Variants in FARP2 observed in about 807,000 individuals in gnomAD.
The protein encoded by FARP2 is FERM, ARH/RhoGEF and pleckstrin domain protein 2.
Under a neutral mutation model 130.5 loss-of-function variants are expected in FARP2, and 111 were observed. The ratio of observed to expected loss-of-function variants is 0.85; its 90% confidence interval spans 0.73 to 1.00. The LOEUF is 1.00. FARP2 is among the 50% of genes least tolerant of loss of function. The pLI, the probability that FARP2 is intolerant of heterozygous loss-of-function variation, is 0.00. For synonymous variants in FARP2, 504 were observed against 516.9 expected (o/e 0.98, Z 0.34); for missense variants, 1,385 against 1,346.3 (o/e 1.03, Z -0.45).
chr2:241,460,119 C>T (rs546126070), intron 14 of FARP2, among the ~76,000 whole-genome samples: 33 of 152,302 alleles, frequency 2.2e-4, no homozygotes, highest in African/African-American at 7.7e-4. Context: ...GACTCTCCCC[C>T]AGGGCCCAAG....
chr2:241,436,801 A>G (rs1046875665), intron 12 of FARP2, among the ~76,000 whole-genome samples: 4 of 152,212 alleles, frequency 2.6e-5, no homozygotes, highest in East Asian at 1.9e-4. Flanking sequence ...CCTGGGCAAC[A>G]TGGCAAAATC....
chr2:241,399,096 AG>A (rs1292259057), intron 2 of FARP2, among the ~76,000 whole-genome samples: 1 of 152,188 alleles, frequency 6.6e-6, no homozygotes, highest in Non-Finnish European at 1.5e-5. Context: ...TATTCTGGTG[AG>A]GGTCTAGTGG....
At chr2:241,434,348 G>A (rs367769698) in intron 10 of FARP2, 27 bp downstream of exon 10, 1 of 1,545,906 alleles carries the variant, frequency 6.5e-7, no homozygotes, top group African/African-American at 1.4e-5. Flanking sequence ...GGCTTGCATG[G>A]GCCCCTCACT....
intron 14 of FARP2, among the ~76,000 whole-genome samples, chr2:241,457,234 C>T (rs1233487607): frequency 1.3e-5 from 2 of 152,210 alleles, no homozygotes; most frequent in African/African-American, 2.4e-5. Flanking sequence ...CAGCCTCCCC[C>T]ACTCTTCCTT....
intron 2 of FARP2, among the ~76,000 whole-genome samples, chr2:241,395,216 G>A (rs1451021028): frequency 6.6e-6 from 1 of 152,186 alleles, no homozygotes; most frequent in East Asian, 1.9e-4. Context: ...GCCACAAAGG[G>A]CCTGGAGAAT....
At chr2:241,483,424 C>T in intron 19 of FARP2, 41 bp from the exon 20 acceptor site, 2 of 1,560,416 alleles carry the variant, frequency 1.3e-6, no homozygotes, top group Non-Finnish European at 1.8e-6. Context: ...CCGCCAGCTG[C>T]CCTCAGCCCG....
At chr2:241,480,770 T>G (rs114760910) in intron 19 of FARP2, among the ~76,000 whole-genome samples, 68 of 152,150 alleles carry the variant, frequency 4.5e-4, no homozygotes, top group African/African-American at 1.6e-3. Context: ...CTTCTAATAG[T>G]TTTATGTTTT....
chr2:241,451,817 C>T (rs535439168), intron 13 of FARP2, among the ~76,000 whole-genome samples: 139 of 152,084 alleles, frequency 9.1e-4, no homozygotes, highest in Non-Finnish European at 1.7e-3. Flanking sequence ...TGCAGTGGTA[C>T]GATCTTGGCT....
In FARP2 at chr2:241,459,545, C is replaced by T. The variant is rs1242570371; in HGVS notation, c.1587+2623C>T. Reference sequence around the variant, plus strand: ...CTTTTTAATAGAGATTTGTGAGGATCGGCCACAGTCGAAAGGTAGGAAAGC... The same window carrying T: ...CTTTTTAATAGAGATTTGTGAGGATTGGCCACAGTCGAAAGGTAGGAAAGC... On this transcript the variant is annotated intron_variant, in intron 14 of 26. Coordinates refer to ENST00000264042, the MANE Select transcript of FARP2 (RefSeq NM_014808.4). The surrounding 1 kb of genome is among the most constrained non-coding windows in gnomAD (Gnocchi z 5.3). Among the ~76,000 whole-genome samples, 1 of 152,188 alleles carries T rather than the reference C, an allele frequency of 6.6e-6. No individual in the cohort carries two copies. Among genetic ancestry groups the T allele is most frequent in the African/African-American group, 2.4e-5 (1 of 41,446 alleles).
In FARP2 at chr2:241,371,409, G is replaced by A. The variant is rs567684974; in HGVS notation, c.-24-1675G>A. ...TGAGGTGGGAGAATTGCTTGAGCCC[G>A]GGAGGTGGAGGTTGCAGTGAACCAA... is the stretch of plus-strand genomic sequence containing the variant. On this transcript the variant is annotated intron_variant, in intron 1 of 26. Transcript: ENST00000264042. Among the ~76,000 whole-genome samples the A allele has an allele frequency of 3.3e-5, 5 of 152,302 alleles. No homozygotes were observed. The East Asian group carries it at 5.8e-4, about 18-fold the overall frequency.
intron 14 of FARP2, among the ~76,000 whole-genome samples, chr2:241,461,330 C>T (rs886808): frequency 6.6e-6 from 1 of 151,900 alleles, no homozygotes; most frequent in Non-Finnish European, 1.5e-5. Flanking sequence ...GGTCCACCGG[C>T]AGCCTCTCTG....
chr2:241,395,985 A>G (rs1239843608), intron 2 of FARP2: 6 of 152,202 alleles, frequency 3.9e-5, no homozygotes, highest in African/African-American at 1.4e-4. Context: ...ATCTATTTTT[A>G]TGTTTAGTAC....
At chr2:241,473,594 T>G (rs949989351) in intron 18 of FARP2, among the ~76,000 whole-genome samples, 3 of 152,164 alleles carry the variant, frequency 2.0e-5, no homozygotes, top group African/African-American at 7.2e-5. Flanking sequence ...GCAGTCAGGC[T>G]CCCAGCCCTG....
In FARP2 at chr2:241,436,467, CCT is replaced by C. The variant is rs1298420980; in HGVS notation, c.1101-11_1101-10del. 2.5e-6 allele frequency: 4 copies of C among 1,613,924 alleles called. No individual in the cohort carries two copies. ...GAGGGCTTGGTTTCTCACAGCTCGT[CCT>C]CTGTTTTGCAGAAGGCACAGCAAGA... On this transcript the variant is annotated splice_polypyrimidine_tract_variant and intron_variant, in intron 11 of 26. Coordinates refer to ENST00000264042, the MANE Select transcript of FARP2 (RefSeq NM_014808.4).
At chr2:241,378,556 G>A (rs1341048502) in intron 2 of FARP2, among the ~76,000 whole-genome samples, 2 of 151,898 alleles carry the variant, frequency 1.3e-5, no homozygotes, top group African/African-American at 4.8e-5. Flanking sequence ...GGAACTACAG[G>A]CGTGTACCAC....
rs2064429794 is a variant in FARP2, at chr2:241,475,322, A to G, written c.2132-535A>G. Among the ~76,000 whole-genome samples the G allele has an allele frequency of 2.0e-5, 3 of 152,202 alleles. No individual in the cohort carries two copies. The highest frequency in any genetic ancestry group is 3.9e-4 in the East Asian group (2 of 5,194). On this transcript the variant is annotated intron_variant, in intron 18 of 26. Coordinates refer to ENST00000264042, the MANE Select transcript of FARP2 (RefSeq NM_014808.4). The surrounding 1 kb of genome is among the most constrained non-coding windows in gnomAD (Gnocchi z 4.4). Reference sequence around the variant, plus strand: ...GCTGCACATAGTAGGCAGCAGTCCTATAAGTCCTATAAGGCAGGGGTCCCC... The same window carrying G: ...GCTGCACATAGTAGGCAGCAGTCCTGTAAGTCCTATAAGGCAGGGGTCCCC...
At chr2:241,479,347 C>T (rs1230301970) in intron 19 of FARP2, among the ~76,000 whole-genome samples, 1 of 152,230 alleles carries the variant, frequency 6.6e-6, no homozygotes, top group African/African-American at 2.4e-5. Flanking sequence ...GCTTCACTGG[C>T]AGGAAGCGGC....
At chr2:241,493,062 T>C in intron 25 of FARP2, 26 bp downstream of exon 25, 1 of 1,314,800 alleles carries the variant, frequency 7.6e-7, no homozygotes, top group Non-Finnish European at 1.1e-6. Flanking sequence ...TGGAGCCCAA[T>C]GCAGGTGATG....
intron 2 of FARP2, among the ~76,000 whole-genome samples, chr2:241,399,115 T>C (rs1559731533): frequency 1.3e-5 from 2 of 152,240 alleles, no homozygotes; most frequent in South Asian, 4.1e-4. Flanking sequence ...TGGTATCTTA[T>C]TGTGGTTTTA....
Sources: allele counts gnomAD v4.1 joint callset (sites outside exome capture counted in the v4.1 genomes callset), GRCh38; gene constraint gnomAD v4.1.1; non-coding constraint Gnocchi (gnomAD v3.1); transcripts MANE v1.5; gene names NCBI Gene and HGNC (gene_info 2026-07-23, HGNC 2026-07-21).